VWDE: variants seen among roughly 807,000 people sequenced by gnomAD.
The protein encoded by VWDE is von Willebrand factor D and EGF domains.
Under a neutral mutation model 178.4 loss-of-function variants are expected in VWDE, and 207 were observed. The ratio of observed to expected loss-of-function variants is 1.16; its 90% CI spans 1.04 to 1.30. VWDE has a LOEUF of 1.30. Ranked by LOEUF, VWDE falls within the 50% of genes most tolerant of loss-of-function variation. The probability of loss-of-function intolerance (pLI) is 0.00; values close to 1 mark genes in which losing one functional copy is unlikely to be tolerated. For synonymous variants in VWDE, 738 were observed against 651.4 expected, an observed-to-expected ratio of 1.13 and a Z score of -2.02; for missense variants, 2,287 against 1,901.3, an observed-to-expected ratio of 1.20 and a Z score of -3.77.
chr7:12,359,015 T>C (rs1782425398), intron 16 of VWDE, among the ~76,000 whole-genome samples: 1 of 152,230 alleles, frequency 6.6e-6, no homozygotes. Context: ...GGAATAATTG[T>C]GTCCTATTGT....
chr7:12,361,668 T>G (rs1207407158), intron 13 of VWDE, 147 bp from the exon 14 acceptor site: 1 of 698,600 alleles, frequency 1.4e-6, no homozygotes, highest in Non-Finnish European at 2.2e-6. Context: ...ACATTGGGAG[T>G]GAGTTTTATT....
At chr7:12,335,175 G>A (rs1341660542) in intron 27 of VWDE, among the ~76,000 whole-genome samples, 1 of 152,048 alleles carries the variant, frequency 6.6e-6, no homozygotes, top group Non-Finnish European at 1.5e-5. Flanking sequence ...AATACACTTG[G>A]CCACCAATTT....
At position 12,374,770 on chromosome 7, in the gene VWDE, G is replaced by A. The variant is rs760841884; in HGVS notation, c.1243-8C>T. 6.6e-7 allele frequency: 1 copy of A among 1,514,710 alleles called. No individual in the cohort carries two copies. Among genetic ancestry groups the A allele is most frequent in the South Asian group, 1.3e-5 (1 of 76,336 alleles). The allele number at this position is 1,514,710 out of a possible 1,614,324, so 93.8% of individuals were successfully genotyped here. A position where few individuals can be genotyped will look rare whatever the true frequency, so the allele number is the denominator to read the frequency against. ...GACATCCTTTACTTTGATCTTAAAA[G>A]CAAAGATATTTTTGGTAAATATTAC... On this transcript the variant is annotated splice_polypyrimidine_tract_variant and splice_region_variant and intron_variant, in intron 8 of 28. Transcript: ENST00000275358.
intron 13 of VWDE, among the ~76,000 whole-genome samples, chr7:12,366,180 T>A (rs1782848928): frequency 6.6e-6 from 1 of 152,142 alleles, no homozygotes. Context: ...CTGTTTTCTT[T>A]ATAAATTACC....
intron 1 of VWDE, among the ~76,000 whole-genome samples, chr7:12,398,372 T>C (rs1346160965): frequency 6.6e-6 from 1 of 152,152 alleles, no homozygotes; most frequent in Non-Finnish European, 1.5e-5. Flanking sequence ...GAACTGAAAC[T>C]TACCAGATTA....
chr7:12,399,028 A>T (rs1784757435), intron 1 of VWDE, among the ~76,000 whole-genome samples: 1 of 152,068 alleles, frequency 6.6e-6, no homozygotes, highest in South Asian at 2.1e-4. Flanking sequence ...CTGCACATGT[A>T]CTCCTTGAGA....
rs1782576949 is a variant in VWDE at position 12,361,488 on chromosome 7, T to G, written c.2932A>C (p.Ile978Leu). ...NSSEWMPGEPIYTQTVFHNSR... is the reference protein window; with the variant it reads ...NSSEWMPGEPLYTQTVFHNSR... ...TTGTGGAAAACAGTCTGTGTATAGA[T>G]GGGTTCTCCAGGCATCCATTCACTG... Residue 978 changes from isoleucine to leucine, a missense_variant, in exon 14 of 29, where the codon ATC becomes CTC. Ile to Leu is a conservative substitution (Grantham distance 5). Coordinates refer to ENST00000275358, the MANE Select transcript of VWDE (RefSeq NM_001135924.3). 2 of 1,550,542 alleles carry G rather than the reference T, an allele frequency of 1.3e-6. No individual in the cohort carries two copies. Among genetic ancestry groups the G allele is most frequent in the Non-Finnish European group, 1.7e-6 (2 of 1,146,400 alleles).
intron 12 of VWDE, 73 bp from the exon 13 acceptor site, chr7:12,367,566 C>T (rs1195042744): frequency 1.1e-5 from 14 of 1,258,324 alleles, no homozygotes; most frequent in Non-Finnish European, 1.5e-5. Flanking sequence ...TATTTCCAAG[C>T]CCCAAATTAA....
chr7:12,356,362 T>C (rs1412271836), intron 17 of VWDE, 32 bp from the exon 18 acceptor site: 1 of 1,526,668 alleles, frequency 6.6e-7, no homozygotes, highest in Non-Finnish European at 8.9e-7. Flanking sequence ...AATGTCTTAT[T>C]TTTCAATAAA....
intron 28 of VWDE, among the ~76,000 whole-genome samples, 185 bp from the exon 29 acceptor site, chr7:12,331,382 C>T (rs781119460): frequency 1.3e-5 from 2 of 152,114 alleles, no homozygotes. Context: ...AAGGTCCAAG[C>T]TGTCATAACC....
intron 19 of VWDE, among the ~76,000 whole-genome samples, chr7:12,349,989 AG>A (rs1231685178): frequency 6.6e-6 from 1 of 152,136 alleles, no homozygotes; most frequent in Non-Finnish European, 1.5e-5. Context: ...TGATGGAAAT[AG>A]AAAAACAATC....
At chr7:12,380,770 T>C (rs189001752) in intron 4 of VWDE, 37 bp from the exon 5 acceptor site, 10 of 1,547,110 alleles carry the variant, frequency 6.5e-6, no homozygotes, top group East Asian at 4.9e-5. Flanking sequence ...CTGGGAATCT[T>C]AGACAATGGA....
At chr7:12,347,565 CAGAA>C (rs1395162421) in intron 19 of VWDE, among the ~76,000 whole-genome samples, 1 of 151,890 alleles carries the variant, frequency 6.6e-6, no homozygotes, top group Non-Finnish European at 1.5e-5. Flanking sequence ...AATAACATAA[CAGAA>C]AGCTCAGAAA....
intron 18 of VWDE, among the ~76,000 whole-genome samples, chr7:12,352,248 T>C (rs1781983440): frequency 6.6e-6 from 1 of 152,160 alleles, no homozygotes; most frequent in African/African-American, 2.4e-5. Flanking sequence ...ACCCGATCAA[T>C]TTTGCCCATT....
intron 4 of VWDE, among the ~76,000 whole-genome samples, chr7:12,382,964 T>G (rs1327666612): frequency 6.6e-6 from 1 of 151,802 alleles, no homozygotes; most frequent in East Asian, 1.9e-4. Context: ...ACTATCAACA[T>G]CATTGATGTT....
chr7:12,376,504 G>A (rs1349797642), intron 7 of VWDE, among the ~76,000 whole-genome samples: 1 of 152,066 alleles, frequency 6.6e-6, no homozygotes, highest in Non-Finnish European at 1.5e-5. Flanking sequence ...AGCAATGCTT[G>A]CCTTGTTGAA....
chr7:12,365,472 C>A (rs2033871), intron 13 of VWDE, among the ~76,000 whole-genome samples: 16,468 of 152,054 alleles, frequency 0.11, 1,052 homozygotes, highest in Non-Finnish European at 0.14. Context: ...TTTTGCATGA[C>A]CTGATTTCCA....
rs1265841508 is a variant in VWDE, at chr7:12,389,188, A to C, written c.414T>G (p.Cys138Trp). 8 of 1,551,862 alleles carry C rather than the reference A, an allele frequency of 5.2e-6. No individual in the cohort carries two copies. Among genetic ancestry groups the C allele is most frequent in the Non-Finnish European group, 7.0e-6 (8 of 1,147,016 alleles). The change falls in exon 3 of 29, where the codon TGT becomes TGG. Residue 138 changes from cysteine (C) to tryptophan (W), a missense_variant. Cys to Trp is a radical substitution (Grantham distance 215). Transcript: ENST00000275358. ...LFQIPVSVRN[C>W]GNFSVYLLQP... is the part of the protein sequence containing the mutation. ...GTAGTAAGTATACAGAAAAGTTCCC[A>C]CAGTTTCTTACAGACACTGGGATTT...
intron 23 of VWDE, 54 bp downstream of exon 23, chr7:12,342,005 T>C (rs1031828253): frequency 7.2e-7 from 1 of 1,397,800 alleles, no homozygotes; most frequent in African/African-American, 1.4e-5. Context: ...TTCAGGACAT[T>C]GGCATATTTT....
Sources: gnomAD v4.1 joint callset for allele counts (sites outside exome capture counted in the v4.1 genomes callset) on GRCh38, gnomAD v4.1.1 for gene constraint, MANE v1.5 for transcripts, NCBI Gene and HGNC (gene_info 2026-07-23, HGNC 2026-07-21) for gene names.